ACSF3: variants seen among roughly 807,000 people sequenced by gnomAD.
The protein encoded by ACSF3 is malonate--CoA ligase ACSF3, mitochondrial.
ACSF3 carries 78 observed loss-of-function variants against 53.2 expected under a neutral mutation model. The observed-to-expected ratio is 1.47, with a 90% CI of 1.22 to 1.77. The LOEUF (loss-of-function observed/expected upper bound fraction) is 1.77, where lower values mean the gene tolerates loss of function less well. ACSF3 is among the 40% of genes most tolerant of loss of function. The pLI, the probability that ACSF3 is intolerant of heterozygous loss-of-function variation, is 0.00. For missense variants in ACSF3, 937 were observed against 771.1 expected (o/e 1.22, Z -2.55); for synonymous variants, 414 against 333.1 (o/e 1.24, Z -2.65).
intron 4 of ACSF3, among the ~76,000 whole-genome samples, chr16:89,105,517 G>C (rs1287978956): frequency 6.6e-6 from 1 of 152,150 alleles, no homozygotes; most frequent in Non-Finnish European, 1.5e-5. Context: ...GGGCTCCTCT[G>C]ACGGGGCAGC....
At chr16:89,130,531 G>A (rs1424510905) in intron 7 of ACSF3, among the ~76,000 whole-genome samples, 2 of 152,188 alleles carry the variant, frequency 1.3e-5, no homozygotes, top group Non-Finnish European at 2.9e-5. Context: ...CCGAGATCAT[G>A]CCATTGCACT....
rs73256065 is a variant in ACSF3 at position 89,144,134 on chromosome 16, G to A, written c.1367-1133G>A. Among the ~76,000 whole-genome samples, 182 of 152,352 alleles carry A rather than the reference G, an allele frequency of 1.2e-3. 2 individuals are homozygous for A. Among genetic ancestry groups the A allele is most frequent in the African/African-American group, 4.2e-3 (173 of 41,574 alleles). ...AGGCACGCACACTATGGGCCCATGCGTCATGAGACAGCTTCGGGCTGGGAG... is the reference window on the plus strand; with the variant it reads ...AGGCACGCACACTATGGGCCCATGCATCATGAGACAGCTTCGGGCTGGGAG... On this transcript the variant is annotated intron_variant, in intron 8 of 10. Coordinates refer to ENST00000614302, the MANE Select transcript of ACSF3 (RefSeq NM_001243279.3).
chr16:89,114,490 A>ACC lies in ACSF3; in HGVS notation c.1126+4_1126+5insCC. 6.2e-7 allele frequency: 1 copy of ACC among 1,610,978 alleles called. No homozygotes were observed. Among genetic ancestry groups the ACC allele is most frequent in the Non-Finnish European group, 8.5e-7 (1 of 1,179,980 alleles). ...GACCACTGCCGTGCGCCTGCCAGGT[A>ACC]CGAGCACTTCCCACAGCTGCGTTCC... On this transcript the variant is annotated splice_donor_region_variant and intron_variant, in intron 6 of 10. Coordinates refer to ENST00000614302, the MANE Select transcript of ACSF3 (RefSeq NM_001243279.3).
At chr16:89,124,064 GTATCACACACAT>G (rs1907347022) in intron 7 of ACSF3, among the ~76,000 whole-genome samples, 1 of 3,296 alleles carries the variant, frequency 3.0e-4, no homozygotes, top group Admixed American at 6.3e-3. Context: ...GCATGAACGG[GTATCACACACAT>G]GCCTAGTGTG....
chr16:89,120,839 A>G lies in ACSF3; in HGVS notation c.1165A>G (p.Ile389Val). 1.2e-6 allele frequency: 2 copies of G among 1,614,034 alleles called. No individual in the cohort carries two copies. Among genetic ancestry groups the G allele is most frequent in the African/African-American group, 2.7e-5 (2 of 75,036 alleles). Residue 389 changes from isoleucine (I) to valine (V), a missense_variant, in exon 7 of 11, where the codon ATT (isoleucine) becomes GTT (valine). Transcript: ENST00000614302. ...GTPLPGVQVR[I>V]VSENPQREAC... ...CCCACTGCCTGGAGTACAGGTGCGC[A>G]TTGTCTCAGAAAACCCACAGAGGGA... is the stretch of plus-strand genomic sequence containing the variant.
At chr16:89,095,287 G>C (rs536333267) in intron 1 of ACSF3, 2 of 151,338 alleles carry the variant, frequency 1.3e-5, no homozygotes, top group East Asian at 3.8e-4. Context: ...GGATTAAACT[G>C]TGGGCTTGGG....
chr16:89,137,193 A>G (rs193194484), intron 8 of ACSF3, among the ~76,000 whole-genome samples: 7 of 152,246 alleles, frequency 4.6e-5, no homozygotes, highest in Admixed American at 2.0e-4. Context: ...CCGGGTGAGG[A>G]AACCTGATAA....
At chr16:89,105,578 C>G (rs556385576) in intron 4 of ACSF3, among the ~76,000 whole-genome samples, 3 of 152,292 alleles carry the variant, frequency 2.0e-5, no homozygotes, top group Admixed American at 2.0e-4. Flanking sequence ...TCAGCTCTGT[C>G]CAGGGTGTCA....
chr16:89,135,431 G>C (rs1910232732), intron 8 of ACSF3, among the ~76,000 whole-genome samples: 1 of 152,230 alleles, frequency 6.6e-6, no homozygotes, highest in Non-Finnish European at 1.5e-5. Flanking sequence ...GGCTCCGTGA[G>C]CCCCTAGAGC....
chr16:89,101,492 G>A, intron 3 of ACSF3, 145 bp downstream of exon 3: 3 of 1,501,966 alleles, frequency 2.0e-6, no homozygotes, highest in Non-Finnish European at 2.7e-6. Context: ...GAGATACAGG[G>A]ACGCAGGCCC....
At chr16:89,124,578 A>C (rs1907563313) in intron 7 of ACSF3, among the ~76,000 whole-genome samples, 1 of 151,840 alleles carries the variant, frequency 6.6e-6, no homozygotes, top group Middle Eastern at 3.2e-3. Context: ...ACCCATGCGC[A>C]CACTGTGTGT....
chr16:89,154,014 G>A (rs958803731), intron 10 of ACSF3, 76 bp from the exon 11 acceptor site: 153 of 1,482,540 alleles, frequency 1.0e-4, no homozygotes, highest in African/African-American at 3.3e-4. Context: ...GCACCTGTCC[G>A]TACTGCTGGG....
Position 89,101,204 on chromosome 16 carries a change from T to C in ACSF3, c.523T>C (p.Tyr175His), listed in dbSNP as rs141612994. ...VPLLPLTPAIYTGAVEEPAEV... is the reference protein window; with the variant it reads ...VPLLPLTPAIHTGAVEEPAEV... ...GCTGCTGCCGCTCACACCAGCCATC[T>C]ACACTGGAGCAGTAGAGGAACCGGC... The change falls in exon 3 of 11, where the codon TAC becomes CAC. Residue 175 changes from tyrosine to histidine, a missense_variant. By Grantham distance (83) the Tyr-to-His change is moderately conservative. Transcript: ENST00000614302. 10 of 1,607,230 alleles carry C rather than the reference T, an allele frequency of 6.2e-6. No homozygotes were observed. The African/African-American group carries it at 1.1e-4, about 17-fold the overall frequency.
chr16:89,101,621 G>C (rs1181385775), intron 3 of ACSF3, among the ~76,000 whole-genome samples: 1 of 152,190 alleles, frequency 6.6e-6, no homozygotes, highest in Non-Finnish European at 1.5e-5. Context: ...GAGGTCAGAA[G>C]GGACCACTCA....
Position 89,145,316 on chromosome 16 carries a change from C to G in ACSF3, c.1416C>G (p.Thr472=). ...GCCAGTACTGGATCCGAGGCCGGAC[C>G]TCAGTGGACATCATCAAGACTGGAG... ...KDGQYWIRGR[T]SVDIIKTGGY... Residue 472 remains threonine (T), a synonymous_variant, in exon 9 of 11, where the codon ACC becomes ACG. Transcript: ENST00000614302. The G allele has an allele frequency of 6.2e-7, 1 of 1,614,170 alleles. No homozygotes were observed.
intron 1 of ACSF3, 82 bp downstream of exon 1, chr16:89,094,078 C>T (rs1597856078): frequency 1.3e-5 from 2 of 151,188 alleles, no homozygotes; most frequent in East Asian, 1.9e-4. Flanking sequence ...GGCGCCCGCC[C>T]CTGGGTCGCA....
chr16:89,125,682 C>T (rs1907865899), intron 7 of ACSF3, among the ~76,000 whole-genome samples: 1 of 133,976 alleles, frequency 7.5e-6, no homozygotes, highest in South Asian at 2.4e-4. Context: ...CAGAGTGAGA[C>T]TGCCTCAAAA....
At chr16:89,116,029 A>G (rs1474220550) in intron 6 of ACSF3, among the ~76,000 whole-genome samples, 1 of 152,180 alleles carries the variant, frequency 6.6e-6, no homozygotes, top group South Asian at 2.1e-4. Flanking sequence ...GTCTGATGTC[A>G]TATCTAATAA....
intron 1 of ACSF3, chr16:89,095,228 T>G (rs529992265): frequency 6.6e-6 from 1 of 152,224 alleles, no homozygotes; most frequent in African/African-American, 2.4e-5. Context: ...CTTCCCTTGC[T>G]CTTGCTCCTT....
Sources: allele counts gnomAD v4.1 joint callset (sites outside exome capture counted in the v4.1 genomes callset), GRCh38; gene constraint gnomAD v4.1.1; transcripts MANE v1.5; gene names NCBI Gene and HGNC (gene_info 2026-07-23, HGNC 2026-07-21).